RETREG1: variants seen among roughly 807,000 people sequenced by gnomAD.
The protein encoded by RETREG1 is family with sequence similarity 134 member B.
RETREG1 carries 44 observed loss-of-function variants against 54.8 expected under a neutral mutation model. That is an observed-to-expected ratio of 0.80 (90% CI 0.63 to 1.03). RETREG1 has a LOEUF of 1.03. RETREG1 is among the 50% of genes least tolerant of loss of function. RETREG1 has a pLI of 0.00. For missense variants in RETREG1, 554 were observed against 605.1 expected (o/e 0.92, Z 0.89); for synonymous variants, 217 against 238.5 (o/e 0.91, Z 0.83).
rs567609510 is a variant in RETREG1 at position 16,488,844 on chromosome 5, G to C, written c.459-5372C>G. ...TCACGCCTATAATCCCAGCACTTTG[G>C]GAGGCCGAGGTGGGCAGATCATGAG... On this transcript the variant is annotated intron_variant, in intron 3 of 8. Coordinates refer to ENST00000306320, the MANE Select transcript of RETREG1 (RefSeq NM_001034850.3). Among the ~76,000 whole-genome samples the C allele has an allele frequency of 3.7e-3, 570 of 152,136 alleles. 4 individuals carry two copies. Among genetic ancestry groups the C allele is most frequent in the African/African-American group, 0.013 (541 of 41,506 alleles).
At chr5:16,502,446 A>G (rs1739756731) in intron 3 of RETREG1, among the ~76,000 whole-genome samples, 1 of 152,242 alleles carries the variant, frequency 6.6e-6, no homozygotes, top group Non-Finnish European at 1.5e-5. Context: ...AGGAACAGGC[A>G]ATAATAAACG....
At chr5:16,510,647 G>T (rs755673816) in intron 3 of RETREG1, among the ~76,000 whole-genome samples, 1 of 151,044 alleles carries the variant, frequency 6.6e-6, no homozygotes, top group Non-Finnish European at 1.5e-5. Flanking sequence ...AAAATTAGCC[G>T]AGCGTGGTGA....
chr5:16,568,332 C>T (rs1031544396), intron 2 of RETREG1, among the ~76,000 whole-genome samples: 10 of 151,218 alleles, frequency 6.6e-5, no homozygotes, highest in Middle Eastern at 3.4e-3. Context: ...AGTGCAATGA[C>T]GTGATCTCAG....
In RETREG1 at chr5:16,474,689, G is replaced by GTTT; in HGVS notation, c.*49_*51dup. The GTTT allele has an allele frequency of 2.1e-5, 23 of 1,095,904 alleles. No individual in the cohort carries two copies. Among genetic ancestry groups the GTTT allele is most frequent in the Non-Finnish European group, 2.4e-5 (20 of 841,248 alleles). 67.9% of individuals were successfully genotyped at this position (1,095,904 alleles called of 1,614,324 possible). A position where few individuals can be genotyped will look rare whatever the true frequency, so the allele number is the denominator to read the frequency against. On this transcript the variant is annotated 3_prime_UTR_variant, in exon 9 of 9. Transcript: ENST00000306320. ...TTTTCCTTTTTTTTTTTTTTTTCTT[G>GTTT]TTTGAAATTTTTTTGGTGTTTTTTG...
intron 1 of RETREG1, among the ~76,000 whole-genome samples, chr5:16,605,580 T>C (rs535407051): frequency 1.6e-4 from 24 of 152,252 alleles, no homozygotes; most frequent in African/African-American, 3.9e-4. Flanking sequence ...AGGTATCTCA[T>C]TGGGGTGAAG....
chr5:16,506,380 C>A (rs938259208), intron 3 of RETREG1, among the ~76,000 whole-genome samples: 1 of 152,160 alleles, frequency 6.6e-6, no homozygotes, highest in Non-Finnish European at 1.5e-5. Flanking sequence ...AGTTATTTCT[C>A]TTTCAGACAA....
At chr5:16,575,054 T>C (rs1742285394) in intron 1 of RETREG1, among the ~76,000 whole-genome samples, 1 of 152,368 alleles carries the variant, frequency 6.6e-6, no homozygotes, top group Non-Finnish European at 1.5e-5. Flanking sequence ...CTCTTGTTCA[T>C]GTGCTGGGTG....
Position 16,616,636 on chromosome 5 carries a change from T to C in RETREG1, c.320+16A>G. 6.3e-7 allele frequency: 1 copy of C among 1,581,294 alleles called. No homozygotes were observed. Among genetic ancestry groups the C allele is most frequent in the Non-Finnish European group, 8.5e-7 (1 of 1,170,032 alleles). On this transcript the variant is annotated intron_variant, in intron 1 of 8. Transcript: ENST00000306320. ...ACCTGCCCTCCTCAGCGCCCCCACC[T>C]TGCCCAAGCTCTCACCAGAACAGCA...
chr5:16,607,603 C>T (rs1255651678), intron 1 of RETREG1, among the ~76,000 whole-genome samples: 1 of 151,928 alleles, frequency 6.6e-6, no homozygotes, highest in Admixed American at 6.6e-5. Flanking sequence ...GACAGAGCAA[C>T]ACTCTGTCTC....
intron 1 of RETREG1, among the ~76,000 whole-genome samples, chr5:16,606,427 C>A (rs947962839): frequency 6.6e-6 from 1 of 152,182 alleles, no homozygotes; most frequent in African/African-American, 2.4e-5. Context: ...CCAACACATG[C>A]AACTCCATAC....
intron 1 of RETREG1, among the ~76,000 whole-genome samples, chr5:16,575,286 T>C (rs10454940): frequency 0.29 from 43,796 of 152,150 alleles, 6,473 homozygotes; most frequent in South Asian, 0.41. Flanking sequence ...TGAGCTGTAA[T>C]GCGCAGCTCG....
intron 3 of RETREG1, among the ~76,000 whole-genome samples, chr5:16,496,488 G>T (rs530087285): frequency 6.6e-6 from 1 of 152,290 alleles, no homozygotes; most frequent in South Asian, 2.1e-4. Flanking sequence ...CCTGCAAGTT[G>T]CCTGTGCAAC....
intron 3 of RETREG1, among the ~76,000 whole-genome samples, chr5:16,541,136 CAT>C (rs1172798366): frequency 2.0e-5 from 3 of 152,108 alleles, no homozygotes; most frequent in Admixed American, 1.3e-4. Context: ...CTCCAAAATT[CAT>C]ATGTTAGAAC....
rs1358283324 is a variant in RETREG1, at chr5:16,489,031, C to G, written c.459-5559G>C. On this transcript the variant is annotated intron_variant, in intron 3 of 8. Coordinates refer to ENST00000306320, the MANE Select transcript of RETREG1 (RefSeq NM_001034850.3). ...CCAGGAGGCAGGGGCTGCAATGAGCCGAGATAGCGCCACTGCACTCCAGCC... is the reference window on the plus strand; with the variant it reads ...CCAGGAGGCAGGGGCTGCAATGAGCGGAGATAGCGCCACTGCACTCCAGCC... Among the ~76,000 whole-genome samples the G allele has an allele frequency of 4.0e-5, 5 of 123,852 alleles. No homozygotes were observed. The South Asian group carries it at 1.4e-3, about 34-fold the overall frequency. The allele number at this position is 123,852 out of a possible 152,430, so 81.3% of individuals were successfully genotyped here.
Position 16,597,224 on chromosome 5 carries a change from G to A in RETREG1, c.320+19428C>T, listed in dbSNP as rs1178449304. Among the ~76,000 whole-genome samples, 1 of 152,168 alleles carries A rather than the reference G, an allele frequency of 6.6e-6. No homozygotes were observed. The highest frequency in any genetic ancestry group is 1.5e-5 in the Non-Finnish European group (1 of 68,024). ...CTGGCAAGTCACCTGACTTCTCTGTGCCTCAGTGTCATTGTGAATATTAGT... is the reference window on the plus strand; with the variant it reads ...CTGGCAAGTCACCTGACTTCTCTGTACCTCAGTGTCATTGTGAATATTAGT... On this transcript the variant is annotated intron_variant, in intron 1 of 8. Transcript: ENST00000306320. The surrounding 1 kb of genome is among the most constrained non-coding windows in gnomAD (Gnocchi z 4.3).
At position 16,474,300 on chromosome 5, in the gene RETREG1, C is replaced by T; in HGVS notation, c.*441G>A. ...TCTATCCGTTGAAAAAAAAATTTTC[C>T]AGGTATTAGGAATAAGGAAGCTGGT... is the stretch of plus-strand genomic sequence containing the variant. On this transcript the variant is annotated 3_prime_UTR_variant, in exon 9 of 9. Coordinates refer to ENST00000306320, the MANE Select transcript of RETREG1 (RefSeq NM_001034850.3). 6.5e-6 allele frequency: 1 copy of T among 154,352 alleles called. No individual in the cohort carries two copies. Among genetic ancestry groups the T allele is most frequent in the Admixed American group, 6.5e-5 (1 of 15,456 alleles). 9.6% of individuals were successfully genotyped at this position (154,352 alleles called of 1,614,324 possible). A position where few individuals can be genotyped will look rare whatever the true frequency, so the allele number is the denominator to read the frequency against.
Position 16,601,405 on chromosome 5 carries a change from C to CT in RETREG1, c.320+15246dup, listed in dbSNP as rs941469808. Among the ~76,000 whole-genome samples the CT allele has an allele frequency of 2.6e-3, 347 of 132,434 alleles. 2 individuals are homozygous for CT. Among genetic ancestry groups the CT allele is most frequent in the Non-Finnish European group, 3.9e-3 (243 of 62,066 alleles). 86.9% of individuals were successfully genotyped at this position (132,434 alleles called of 152,430 possible). A position where few individuals can be genotyped will look rare whatever the true frequency, so the allele number is the denominator to read the frequency against. On this transcript the variant is annotated intron_variant, in intron 1 of 8. Coordinates refer to ENST00000306320, the MANE Select transcript of RETREG1 (RefSeq NM_001034850.3). ...GGAGGAATTTTCTTTTTTTTTTTTT[C>CT]TTTTTTTTTGAGATGGAGTCTTGCT...
chr5:16,567,843 C>T (rs939359975), intron 2 of RETREG1, among the ~76,000 whole-genome samples: 1 of 152,084 alleles, frequency 6.6e-6, no homozygotes, highest in Non-Finnish European at 1.5e-5. Context: ...CACCTGTAGT[C>T]CTAGCCACTC....
chr5:16,494,469 C>T (rs1204952048), intron 3 of RETREG1, among the ~76,000 whole-genome samples: 1 of 152,104 alleles, frequency 6.6e-6, no homozygotes, highest in Non-Finnish European at 1.5e-5. Flanking sequence ...AGCACCATCC[C>T]CTTGGTGCTG....
Sources: gnomAD v4.1 joint callset for allele counts (sites outside exome capture counted in the v4.1 genomes callset) on GRCh38, gnomAD v4.1.1 for gene constraint, Gnocchi (gnomAD v3.1) non-coding constraint, MANE v1.5 for transcripts, NCBI Gene and HGNC (gene_info 2026-07-23, HGNC 2026-07-21) for gene names.